The following C12orf50 variants were observed in gnomAD, a reference collection of about 807,000 sequenced individuals.
The protein encoded by C12orf50 is uncharacterized protein C12orf50.
A neutral mutation model predicts 61.6 loss-of-function variants in C12orf50; 35 were observed. The ratio of observed to expected loss-of-function variants is 0.57; its 90% CI spans 0.43 to 0.75. C12orf50 has a LOEUF of 0.75. Ranked by LOEUF, C12orf50 falls within the 30% of genes least tolerant of loss-of-function variation. C12orf50 has a pLI of 0.00. For synonymous variants in C12orf50, 178 were observed against 161.5 expected, an observed-to-expected ratio of 1.10 and a Z score of -0.77; for missense variants, 475 against 488.5, an observed-to-expected ratio of 0.97 and a Z score of 0.26.
chr12:88,014,796 C>T (rs189219097), intron 3 of C12orf50, among the ~76,000 whole-genome samples: 3 of 152,274 alleles, frequency 2.0e-5, no homozygotes, highest in Non-Finnish European at 2.9e-5. Flanking sequence ...TCCAGCATAG[C>T]GCTGCCACAC....
At chr12:88,018,359 T>G (rs566826779) in intron 3 of C12orf50, among the ~76,000 whole-genome samples, 10 of 152,330 alleles carry the variant, frequency 6.6e-5, no homozygotes, top group Admixed American at 2.6e-4. Context: ...AATTTAAGAA[T>G]TGGGGTTTGG....
Position 87,994,659 on chromosome 12 carries a change from G to C in C12orf50, c.566C>G (p.Thr189Ser), listed in dbSNP as rs1448462917. The stretch of plus-strand genomic sequence containing the variant: ...TCCATTTTCAAAAGCAGCAATGTCA[G>C]TCTTTGGTTTCCCATGCAATGATGT... ...IKTSLHGKPK[T>S]DIAAFENGGG... Residue 189 changes from threonine to serine, a missense_variant, in exon 7 of 13, where the codon ACT becomes AGT. By Grantham distance (58) the Thr-to-Ser change is moderately conservative. Transcript: ENST00000298699. 1 of 1,612,322 alleles carries C rather than the reference G, an allele frequency of 6.2e-7. No homozygotes were observed. The highest frequency in any genetic ancestry group is 1.1e-5 in the South Asian group (1 of 91,020).
intron 7 of C12orf50, among the ~76,000 whole-genome samples, chr12:87,990,463 T>G (rs1565742237): frequency 6.6e-6 from 1 of 152,258 alleles, no homozygotes; most frequent in East Asian, 1.9e-4. Context: ...GATTTTTGGT[T>G]TCTACCATGA....
At chr12:88,003,685 G>C (rs903549114) in intron 3 of C12orf50, among the ~76,000 whole-genome samples, 3 of 151,862 alleles carry the variant, frequency 2.0e-5, no homozygotes, top group African/African-American at 7.3e-5. Context: ...ATCATACTGG[G>C]GTTCTATTAT....
intron 3 of C12orf50, among the ~76,000 whole-genome samples, chr12:88,005,912 G>T (rs866261455): frequency 0.027 from 2,431 of 91,092 alleles, 122 homozygotes; most frequent in African/African-American, 0.097. Flanking sequence ...TGTTTTTTTG[G>T]TTTTTTTTTT....
intron 11 of C12orf50, chr12:87,983,514 G>C (rs1433527851): frequency 6.3e-6 from 1 of 158,464 alleles, no homozygotes; most frequent in Non-Finnish European, 1.4e-5. Flanking sequence ...TTAGCATTGG[G>C]ATATCTCCTA....
chr12:87,997,528 C>T (rs76399244), intron 4 of C12orf50, among the ~76,000 whole-genome samples: 3 of 152,100 alleles, frequency 2.0e-5, no homozygotes, highest in African/African-American at 7.2e-5. Flanking sequence ...CCGTCATCTA[C>T]ATTAGGTATC....
chr12:87,980,342 C>T lies in C12orf50; in HGVS notation c.1234G>A (p.Gly412Arg). The change falls in exon 13 of 13, where the codon GGG (glycine) becomes AGG (arginine). Residue 412 changes from glycine (G) to arginine (R), a missense_variant. Physicochemically the swap from Gly to Arg is moderately radical, Grantham distance 125. Transcript: ENST00000298699. ...EKIYPEPRRN[G>R]SK ...CTCAACCTCCAGGTTTACTTGCTCC[C>T]ATTTCTTCTTGGCTCTAATAATAAA... The T allele has an allele frequency of 1.2e-6, 2 of 1,609,656 alleles. No homozygotes were observed. The highest frequency in any genetic ancestry group is 1.7e-6 in the Non-Finnish European group (2 of 1,177,144).
At chr12:87,986,076 G>T (rs866970142) in intron 10 of C12orf50, 23 bp from the exon 11 acceptor site, 1 of 1,606,338 alleles carries the variant, frequency 6.2e-7, no homozygotes, top group Non-Finnish European at 8.5e-7. Context: ...GTGGGAGGGA[G>T]TGAGGAATAA....
At chr12:88,002,348 C>T (rs948314822) in intron 3 of C12orf50, among the ~76,000 whole-genome samples, 2 of 151,694 alleles carry the variant, frequency 1.3e-5, no homozygotes, top group African/African-American at 2.4e-5. Context: ...AAGACATACA[C>T]AGCACAATTT....
At chr12:88,029,149 GTTT>G in intron 1 of C12orf50, 188 bp downstream of exon 1, 2 of 1,022,806 alleles carry the variant, frequency 2.0e-6, no homozygotes, top group Non-Finnish European at 2.5e-6. Flanking sequence ...TAATCCAATG[GTTT>G]TTTTTTTTTG....
At chr12:87,980,398 T>C in intron 12 of C12orf50, 42 bp from the exon 13 acceptor site, 1 of 1,501,544 alleles carries the variant, frequency 6.7e-7, no homozygotes, top group Non-Finnish European at 9.2e-7. Flanking sequence ...ATTTTCTTGT[T>C]TAGCGCACTG....
intron 9 of C12orf50, 135 bp downstream of exon 9, chr12:87,987,715 T>A: frequency 1.6e-6 from 1 of 631,700 alleles, no homozygotes; most frequent in Middle Eastern, 4.1e-4. Flanking sequence ...GGATATTGTG[T>A]CTTTAATTCT....
chr12:88,002,892 T>C (rs1183358776), intron 3 of C12orf50, among the ~76,000 whole-genome samples: 1 of 151,814 alleles, frequency 6.6e-6, no homozygotes, highest in Non-Finnish European at 1.5e-5. Flanking sequence ...CATCAGAATC[T>C]ATTTCACTTT....
chr12:87,992,355 G>A (rs887791926), intron 7 of C12orf50, among the ~76,000 whole-genome samples: 2 of 151,942 alleles, frequency 1.3e-5, no homozygotes, highest in Non-Finnish European at 2.9e-5. Flanking sequence ...TAGCAACCAG[G>A]AATAACAAGA....
At chr12:88,029,061 A>G in intron 1 of C12orf50, 1 of 1,278,048 alleles carries the variant, frequency 7.8e-7, no homozygotes, top group Non-Finnish European at 1.0e-6. Context: ...ATTGTACAAT[A>G]TTTACCTTTA....
At chr12:87,984,238 T>G (rs899302151) in intron 11 of C12orf50, 6 of 152,160 alleles carry the variant, frequency 3.9e-5, no homozygotes, top group African/African-American at 1.4e-4. Flanking sequence ...GATGGGGTTG[T>G]TTGTTTGTTT....
chr12:88,006,717 C>G (rs2136454480), intron 3 of C12orf50, among the ~76,000 whole-genome samples: 1 of 152,200 alleles, frequency 6.6e-6, no homozygotes, highest in East Asian at 1.9e-4. Context: ...AAATAGAGCT[C>G]TAGCAACATG....
chr12:87,998,214 A>G (rs1000641215), intron 3 of C12orf50, 24 bp from the exon 4 acceptor site: 5 of 1,596,530 alleles, frequency 3.1e-6, no homozygotes, highest in Non-Finnish European at 4.3e-6. Flanking sequence ...GCAACATTTC[A>G]GTCTGTTCAA....
Sources: allele counts gnomAD v4.1 joint callset (sites outside exome capture counted in the v4.1 genomes callset), GRCh38; gene constraint gnomAD v4.1.1; transcripts MANE v1.5; gene names NCBI Gene and HGNC (gene_info 2026-07-23, HGNC 2026-07-21).